Variants in MACROD1 observed in about 807,000 individuals in gnomAD.
The protein encoded by MACROD1 is ADP-ribose glycohydrolase MACROD1.
Under a neutral mutation model 41.4 loss-of-function variants are expected in MACROD1, and 31 were observed. The ratio of observed to expected loss-of-function variants is 0.75; its 90% CI spans 0.56 to 1.01. The LOEUF is 1.01. MACROD1 is among the 50% of genes least tolerant of loss of function. The pLI, the probability that MACROD1 is intolerant of heterozygous loss-of-function variation, is 0.00. For missense variants in MACROD1, 473 were observed against 460.0 expected (o/e 1.03, Z -0.26); for synonymous variants, 252 against 203.4 (o/e 1.24, Z -2.03).
At chr11:64,069,092 C>T (rs1944058280) in intron 3 of MACROD1, among the ~76,000 whole-genome samples, 1 of 152,184 alleles carries the variant, frequency 6.6e-6, no homozygotes, top group Non-Finnish European at 1.5e-5. Flanking sequence ...AGAAGGAGCC[C>T]TGGAGAACCA....
chr11:63,998,657 C>G lies in MACROD1; in HGVS notation c.*61G>C. The G allele has an allele frequency of 2.3e-6, 3 of 1,327,234 alleles. No homozygotes were observed. Among genetic ancestry groups the G allele is most frequent in the Non-Finnish European group, 2.9e-6 (3 of 1,042,272 alleles). The allele number at this position is 1,327,234 out of a possible 1,614,324, so 82.2% of individuals were successfully genotyped here. A position where few individuals can be genotyped will look rare whatever the true frequency, so the allele number is the denominator to read the frequency against. ...CAGGCTGCAGGCTTTGGCGACCTCTCAGAGCTGGGAGCGGGGTCCCGAAGG... is the reference window on the plus strand; with the variant it reads ...CAGGCTGCAGGCTTTGGCGACCTCTGAGAGCTGGGAGCGGGGTCCCGAAGG... On this transcript the variant is annotated 3_prime_UTR_variant, in exon 11 of 11. Coordinates refer to ENST00000255681, the MANE Select transcript of MACROD1 (RefSeq NM_014067.4).
At chr11:64,114,747 G>T (rs1227297547) in intron 3 of MACROD1, among the ~76,000 whole-genome samples, 1 of 152,016 alleles carries the variant, frequency 6.6e-6, no homozygotes, top group Non-Finnish European at 1.5e-5. Flanking sequence ...GGATGGACAG[G>T]TCCATGCATG....
chr11:64,041,752 A>AC (rs1359716094), intron 3 of MACROD1, among the ~76,000 whole-genome samples: 1 of 151,920 alleles, frequency 6.6e-6, no homozygotes, highest in Non-Finnish European at 1.5e-5. Context: ...ATCCAATTCC[A>AC]CTTCTCTCTG....
chr11:64,083,881 T>A (rs1015293472), intron 3 of MACROD1, among the ~76,000 whole-genome samples: 2 of 152,078 alleles, frequency 1.3e-5, no homozygotes, highest in East Asian at 1.9e-4. Flanking sequence ...GCTGGGCGAG[T>A]GTGAGCAGCG....
At chr11:64,124,988 G>A (rs1362902709) in intron 3 of MACROD1, among the ~76,000 whole-genome samples, 2 of 152,132 alleles carry the variant, frequency 1.3e-5, no homozygotes, top group African/African-American at 2.4e-5. Flanking sequence ...CCAAAGCCTC[G>A]TCTTTTCTCC....
intron 3 of MACROD1, among the ~76,000 whole-genome samples, chr11:64,099,593 C>G (rs376425575): frequency 6.7e-6 from 1 of 148,750 alleles, no homozygotes; most frequent in East Asian, 2.0e-4. Context: ...GATGGAGAGA[C>G]GGATGGAAGG....
chr11:64,142,826 CA>C (rs1945432475), intron 3 of MACROD1, among the ~76,000 whole-genome samples: 1 of 151,926 alleles, frequency 6.6e-6, no homozygotes, highest in African/African-American at 2.4e-5. Flanking sequence ...GGTGAAAAAG[CA>C]AAACTGGGCC....
intron 3 of MACROD1, among the ~76,000 whole-genome samples, chr11:64,142,700 G>A (rs775253785): frequency 4.6e-5 from 7 of 152,218 alleles, no homozygotes; most frequent in Non-Finnish European, 7.3e-5. Flanking sequence ...GCTCCTGGCT[G>A]TGTCTGGGTG....
chr11:64,015,748 G>A (rs772722798), intron 3 of MACROD1, among the ~76,000 whole-genome samples: 23 of 152,110 alleles, frequency 1.5e-4, no homozygotes, highest in Non-Finnish European at 2.6e-4. Context: ...CTGCACCTTT[G>A]CAACCGGGCT....
At chr11:64,017,061 C>G (rs1943091204) in intron 3 of MACROD1, among the ~76,000 whole-genome samples, 1 of 152,176 alleles carries the variant, frequency 6.6e-6, no homozygotes, top group Non-Finnish European at 1.5e-5. Flanking sequence ...CCTCCACCTC[C>G]CAGGTTCAAG....
At chr11:64,018,852 C>T (rs1943116276) in intron 3 of MACROD1, among the ~76,000 whole-genome samples, 1 of 152,154 alleles carries the variant, frequency 6.6e-6, no homozygotes, top group Non-Finnish European at 1.5e-5. Flanking sequence ...CCAACATGCC[C>T]ACCTCAAAGG....
intron 3 of MACROD1, chr11:64,116,145 G>A (rs1322515815): frequency 8.5e-6 from 12 of 1,420,060 alleles, no homozygotes; most frequent in Admixed American, 4.9e-5. Flanking sequence ...GCAGGTGGGA[G>A]GGAATGCACG....
At chr11:64,101,751 G>A (rs760047576) in intron 3 of MACROD1, among the ~76,000 whole-genome samples, 1 of 152,168 alleles carries the variant, frequency 6.6e-6, no homozygotes, top group Non-Finnish European at 1.5e-5. Flanking sequence ...AAGCCCCACC[G>A]TACCCCTTCC....
At chr11:64,060,746 GT>G (rs1221088331) in intron 3 of MACROD1, 1 of 152,244 alleles carries the variant, frequency 6.6e-6, no homozygotes, top group African/African-American at 2.4e-5. Context: ...CGAGCCCACT[GT>G]ATTTTCACCG....
chr11:64,061,069 C>T (rs927601326), intron 3 of MACROD1, among the ~76,000 whole-genome samples: 1 of 152,170 alleles, frequency 6.6e-6, no homozygotes, highest in Non-Finnish European at 1.5e-5. Flanking sequence ...TTGGCGTCCC[C>T]CCCACTCCCA....
intron 4 of MACROD1, among the ~76,000 whole-genome samples, chr11:64,002,292 G>A (rs758978612): frequency 3.3e-5 from 5 of 152,204 alleles, no homozygotes; most frequent in African/African-American, 4.8e-5. Flanking sequence ...GTGGGGGCCC[G>A]TGCGGGGAAG....
chr11:64,119,792 T>C (rs1945064500), intron 3 of MACROD1, among the ~76,000 whole-genome samples: 1 of 152,182 alleles, frequency 6.6e-6, no homozygotes, highest in Non-Finnish European at 1.5e-5. Flanking sequence ...CATGTCGCTA[T>C]CATGCATTTA....
At chr11:64,066,379 G>A (rs997303479) in intron 3 of MACROD1, among the ~76,000 whole-genome samples, 22 of 151,352 alleles carry the variant, frequency 1.5e-4, no homozygotes, top group Admixed American at 4.6e-4. Flanking sequence ...TTAGGAGGCC[G>A]AGGTGGTAGG....
chr11:64,117,817 T>C (rs773047509), intron 3 of MACROD1: 2 of 1,614,078 alleles, frequency 1.2e-6, no homozygotes, highest in African/African-American at 1.3e-5. Flanking sequence ...AATGCCTACG[T>C]AGCTGATGAG....
Sources: gnomAD v4.1 joint callset for allele counts (sites outside exome capture counted in the v4.1 genomes callset) on GRCh38, gnomAD v4.1.1 for gene constraint, MANE v1.5 for transcripts, NCBI Gene and HGNC (gene_info 2026-07-23, HGNC 2026-07-21) for gene names.